The following PARP16 variants were observed in gnomAD, a reference collection of about 807,000 sequenced individuals.
PARP16 encodes protein mono-ADP-ribosyltransferase PARP16.
A neutral mutation model predicts 35.0 loss-of-function variants in PARP16; 31 were observed. The ratio of observed to expected loss-of-function variants is 0.88; its 90% CI spans 0.66 to 1.19. The LOEUF is 1.19. Ranked by LOEUF, PARP16 falls within the 50% of genes most tolerant of loss-of-function variation. The pLI is 0.00. For missense variants in PARP16, 424 were observed against 411.2 expected, an observed-to-expected ratio of 1.03 and a Z score of -0.27; for synonymous variants, 162 against 169.5, an observed-to-expected ratio of 0.96 and a Z score of 0.34.
downstream of PARP16, among the ~76,000 whole-genome samples, chr15:65,254,867 C>T (rs2089457592): frequency 6.6e-6 from 1 of 152,166 alleles, no homozygotes; most frequent in African/African-American, 2.4e-5. Context: ...AGAACAACTT[C>T]CCCTATTCTA....
chr15:65,245,753 G>A (rs2089194164), intron 3 of PARP16, among the ~76,000 whole-genome samples: 2 of 152,162 alleles, frequency 1.3e-5, no homozygotes, highest in South Asian at 4.1e-4. Flanking sequence ...ATCAGAGGCG[G>A]CCTGTTTACT....
chr15:65,281,586 G>C (rs1350188763), intron 1 of PARP16, among the ~76,000 whole-genome samples: 2 of 151,826 alleles, frequency 1.3e-5, no homozygotes, highest in African/African-American at 2.4e-5. Context: ...AACTACTAGG[G>C]AGACTGAGGC....
intron 2 of PARP16, among the ~76,000 whole-genome samples, chr15:65,269,200 C>CTCTCT (rs1567029638): frequency 6.8e-6 from 1 of 146,000 alleles, no homozygotes; most frequent in African/African-American, 2.7e-5. Flanking sequence ...TTCTTTCTTT[C>CTCTCT]TTTCTTTTTT....
chr15:65,233,410 CA>C, downstream of PARP16, among the ~76,000 whole-genome samples: 1 of 148,566 alleles, frequency 6.7e-6, no homozygotes, highest in Admixed American at 6.7e-5. Flanking sequence ...TCAAAAAAAA[CA>C]AAACCAAAAC....
Position 65,286,317 on chromosome 15 carries a change from T to C in PARP16, c.110A>G (p.Asp37Gly), listed in dbSNP as rs758343932. The C allele has an allele frequency of 8.7e-6, 14 of 1,603,274 alleles. No homozygotes were observed. The highest frequency in any genetic ancestry group is 1.2e-5 in the Non-Finnish European group (14 of 1,176,288). The change falls in exon 1 of 6, where the codon GAC (aspartate) becomes GGC (glycine). Residue 37 changes from aspartate (D) to glycine (G), a missense_variant. Asp to Gly is a moderately conservative substitution (Grantham distance 94, BLOSUM62 -1). Coordinates refer to ENST00000649807, the MANE Select transcript of PARP16 (RefSeq NM_001316943.2). ...FASALQSYKR[D>G]SVLRPFPASY... Reference sequence around the variant, plus strand: ...CGCGGGGAAGGGCCGCAGCACCGAGTCGCGCTTGTAGCTCTGCAGGGCCGA... The same window carrying C: ...CGCGGGGAAGGGCCGCAGCACCGAGCCGCGCTTGTAGCTCTGCAGGGCCGA...
At chr15:65,276,671 A>C (rs73468778) in intron 1 of PARP16, among the ~76,000 whole-genome samples, 2 of 152,132 alleles carry the variant, frequency 1.3e-5, no homozygotes, top group African/African-American at 2.4e-5. Context: ...TCAGCCAACA[A>C]ATTTTTTTTA....
At chr15:65,254,314 TGGGAATGTC>T (rs1214090741), downstream of PARP16, among the ~76,000 whole-genome samples, 1 of 152,138 alleles carries the variant, frequency 6.6e-6, no homozygotes, top group Non-Finnish European at 1.5e-5. Context: ...TATCTTTACT[TGGGAATGTC>T]ATGATTTGTT....
At chr15:65,256,126 C>T (rs371072678), downstream of PARP16, among the ~76,000 whole-genome samples, 2 of 152,338 alleles carry the variant, frequency 1.3e-5, no homozygotes, top group East Asian at 3.9e-4. Flanking sequence ...TTCCATGACA[C>T]TTGGCTATCT....
intron 3 of PARP16, among the ~76,000 whole-genome samples, chr15:65,237,621 C>T (rs1407035244): frequency 1.3e-5 from 2 of 151,894 alleles, no homozygotes; most frequent in Non-Finnish European, 1.5e-5. Context: ...TCAAGGAAGG[C>T]CAACAGCTGC....
At chr15:65,285,437 C>A (rs1397768331) in intron 1 of PARP16, 1 of 296,322 alleles carries the variant, frequency 3.4e-6, no homozygotes, top group Non-Finnish European at 6.7e-6. Flanking sequence ...CCGAGCCTGG[C>A]CCCTCCAAGT....
At chr15:65,284,257 T>C (rs1032625319) in intron 1 of PARP16, among the ~76,000 whole-genome samples, 1 of 152,094 alleles carries the variant, frequency 6.6e-6, no homozygotes, top group African/African-American at 2.4e-5. Context: ...TTTTTATACA[T>C]TGCTAGCTTT....
At chr15:65,284,003 T>C (rs1338528187) in intron 1 of PARP16, among the ~76,000 whole-genome samples, 2 of 152,162 alleles carry the variant, frequency 1.3e-5, no homozygotes, top group Non-Finnish European at 2.9e-5. Flanking sequence ...CGACACATCA[T>C]TAGGTGGGCT....
At chr15:65,286,136 A>C in intron 1 of PARP16, 117 bp downstream of exon 1, 1 of 824,576 alleles carries the variant, frequency 1.2e-6, no homozygotes, top group Non-Finnish European at 1.8e-6. Flanking sequence ...CAAGCTGGGA[A>C]TGGAAAGTCT....
chr15:65,255,743 G>GAAAAAAAAAA (rs56665485), downstream of PARP16, among the ~76,000 whole-genome samples: 5 of 57,156 alleles, frequency 8.7e-5, no homozygotes, highest in East Asian at 1.4e-3. Context: ...AGAAAACTCA[G>GAAAAAAAAAA]AAAAAAAAAA....
chr15:65,275,755 C>T (rs1231023659), intron 1 of PARP16, among the ~76,000 whole-genome samples: 1 of 152,054 alleles, frequency 6.6e-6, no homozygotes, highest in Non-Finnish European at 1.5e-5. Context: ...AATGGTGTAC[C>T]CTCAGGTAGC....
chr15:65,251,085 T>G (rs1414497318), intron 2 of PARP16, among the ~76,000 whole-genome samples: 1 of 152,100 alleles, frequency 6.6e-6, no homozygotes, highest in Non-Finnish European at 1.5e-5. Flanking sequence ...GGTTTCACCA[T>G]GTTGGCCAGG....
At position 65,266,769 on chromosome 15, in the gene PARP16, C is replaced by G; in HGVS notation, c.313-1G>C. ...CAGTCAGCTTTTGGATCTTTTCAAA[C>G]TTGAAAACATGAAGAGCATCAAAAT... is the stretch of plus-strand genomic sequence containing the variant. On this transcript the variant is annotated splice_acceptor_variant, in intron 2 of 5. Transcript: ENST00000649807. LOFTEE classifies it high-confidence loss of function. 1 of 1,610,608 alleles carries G rather than the reference C, an allele frequency of 6.2e-7. No individual in the cohort carries two copies. The highest frequency in any genetic ancestry group is 8.5e-7 in the Non-Finnish European group (1 of 1,177,292).
intron 3 of PARP16, among the ~76,000 whole-genome samples, chr15:65,243,342 C>G (rs2089128877): frequency 6.6e-6 from 1 of 152,072 alleles, no homozygotes; most frequent in Non-Finnish European, 1.5e-5. Flanking sequence ...CTCCGCCTCC[C>G]CAGGCTCAAG....
chr15:65,241,123 A>G (rs1378616305), intron 3 of PARP16, among the ~76,000 whole-genome samples: 1 of 140,972 alleles, frequency 7.1e-6, no homozygotes, highest in Non-Finnish European at 1.5e-5. Flanking sequence ...GGTATGAGCC[A>G]TCATGCCTGT....
Sources: gnomAD v4.1 joint callset for allele counts (sites outside exome capture counted in the v4.1 genomes callset) on GRCh38, gnomAD v4.1.1 for gene constraint, MANE v1.5 for transcripts, NCBI Gene and HGNC (gene_info 2026-07-23, HGNC 2026-07-21) for gene names.